Variants in LRP2 observed in about 807,000 individuals in gnomAD.
LRP2 encodes the protein LDL receptor related protein 2, also known as low-density lipoprotein receptor-related protein 2.
A neutral mutation model predicts 531.0 loss-of-function variants in LRP2; 172 were observed. That is an observed-to-expected ratio of 0.32 (90% confidence interval 0.29 to 0.37). The LOEUF is 0.37. LRP2 is among the 10% of genes least tolerant of loss of function. The pLI, the probability that LRP2 is intolerant of heterozygous loss-of-function variation, is 1.00. For missense variants in LRP2, 5,167 were observed against 5,868.3 expected, an observed-to-expected ratio of 0.88 and a Z score of 3.90; for synonymous variants, 1,992 against 2,027.6, an observed-to-expected ratio of 0.98 and a Z score of 0.47.
intron 3 of LRP2, among the ~76,000 whole-genome samples, chr2:169,315,733 CAG>C (rs4000805): frequency 0.059 from 9,048 of 152,220 alleles, 374 homozygotes; most frequent in Non-Finnish European, 0.088. Context: ...GCATCAGTGT[CAG>C]AGAGAATCTA....
At chr2:169,203,935 T>G in intron 42 of LRP2, 47 bp downstream of exon 42, 1 of 1,595,234 alleles carries the variant, frequency 6.3e-7, no homozygotes, top group Non-Finnish European at 8.6e-7. Flanking sequence ...CAATTGGTAT[T>G]GTGATCATTA....
At chr2:169,328,275 C>T (rs1235265486) in intron 1 of LRP2, among the ~76,000 whole-genome samples, 2 of 117,416 alleles carry the variant, frequency 1.7e-5, no homozygotes, top group Admixed American at 8.2e-5. Flanking sequence ...CCGCCCCGTC[C>T]GGGAGGGAGG....
intron 1 of LRP2, among the ~76,000 whole-genome samples, chr2:169,333,848 C>T (rs1685332338): frequency 6.6e-6 from 1 of 152,128 alleles, no homozygotes; most frequent in Non-Finnish European, 1.5e-5. Context: ...TTTGTTATGC[C>T]TGGGCTCAAA....
intron 77 of LRP2, among the ~76,000 whole-genome samples, chr2:169,130,288 CTT>C (rs796975261): frequency 1.6e-4 from 22 of 138,850 alleles, no homozygotes; most frequent in Admixed American, 2.2e-4. Flanking sequence ...AGAACTGAAT[CTT>C]TTTTTTTTTT....
At chr2:169,274,622 C>A (rs1194803863) in intron 14 of LRP2, among the ~76,000 whole-genome samples, 1 of 152,116 alleles carries the variant, frequency 6.6e-6, no homozygotes, top group African/African-American at 2.4e-5. Flanking sequence ...TCTGATGCTA[C>A]CGAAAATGGA....
intron 66 of LRP2, 102 bp from the exon 67 acceptor site, chr2:169,153,066 T>G: frequency 3.1e-5 from 30 of 971,558 alleles, no homozygotes; most frequent in Non-Finnish European, 4.5e-5. Context: ...TTGACATCTC[T>G]ACCTCCCTCC....
intron 52 of LRP2, among the ~76,000 whole-genome samples, chr2:169,180,269 G>T (rs1687379663): frequency 1.3e-5 from 2 of 152,166 alleles, no homozygotes; most frequent in Admixed American, 1.3e-4. Context: ...TCTTTGATGT[G>T]CCTTTTAAGA....
At chr2:169,248,967 C>G (rs1690130580) in intron 19 of LRP2, among the ~76,000 whole-genome samples, 1 of 27,310 alleles carries the variant, frequency 3.7e-5, no homozygotes, top group African/African-American at 1.7e-4. Flanking sequence ...TATCCCACAC[C>G]TGGCTCGGAG....
chr2:169,240,501 A>C (rs765916948), intron 25 of LRP2, among the ~76,000 whole-genome samples: 21 of 152,328 alleles, frequency 1.4e-4, no homozygotes, highest in African/African-American at 5.1e-4. Context: ...CTTCACAATC[A>C]TACCTGGCTG....
At chr2:169,167,505 C>T (rs564357675) in intron 61 of LRP2, among the ~76,000 whole-genome samples, 1 of 152,170 alleles carries the variant, frequency 6.6e-6, no homozygotes, top group East Asian at 1.9e-4. Context: ...ATTTGAGGGG[C>T]CTGTTAATGT....
chr2:169,204,539 T>C (rs916698057), intron 41 of LRP2, among the ~76,000 whole-genome samples: 1 of 152,170 alleles, frequency 6.6e-6, no homozygotes, highest in African/African-American at 2.4e-5. Context: ...CAGGAAAACA[T>C]GAAATAATCC....
chr2:169,246,476 A>T (rs1173734212), intron 21 of LRP2, among the ~76,000 whole-genome samples: 3 of 152,200 alleles, frequency 2.0e-5, no homozygotes, highest in Non-Finnish European at 4.4e-5. Context: ...GCCAATGTCA[A>T]GGAAAAAAAT....
intron 52 of LRP2, 27 bp downstream of exon 52, chr2:169,181,421 T>A (rs1319809063): frequency 6.2e-7 from 1 of 1,602,850 alleles, no homozygotes; most frequent in Non-Finnish European, 8.5e-7. Flanking sequence ...AGTTACACAA[T>A]TGTTTTATGC....
intron 27 of LRP2, among the ~76,000 whole-genome samples, chr2:169,237,683 A>G (rs1333654384): frequency 1.3e-5 from 2 of 152,236 alleles, no homozygotes; most frequent in Non-Finnish European, 2.9e-5. Flanking sequence ...TGTAAGAGGC[A>G]GAGGAAATGT....
At chr2:169,173,067 T>TC in intron 57 of LRP2, 29 bp downstream of exon 57, 4 of 1,613,960 alleles carry the variant, frequency 2.5e-6, no homozygotes, top group Non-Finnish European at 3.4e-6. Flanking sequence ...TTCTTGTCCC[T>TC]CCCTCCACTC....
rs542047294 is a variant in LRP2 at position 169,199,227 on chromosome 2, G to A, written c.8453-316C>T. Among the ~76,000 whole-genome samples the A allele has an allele frequency of 1.1e-4, 16 of 152,262 alleles. No homozygotes were observed. In the South Asian group the frequency reaches 3.3e-3, roughly 32 times the overall value. ...ATAAACTATGGCATTTCCACACAATGGAGTAATATGTAGCTATTAAAGGAA... is the reference window on the plus strand; with the variant it reads ...ATAAACTATGGCATTTCCACACAATAGAGTAATATGTAGCTATTAAAGGAA... On this transcript the variant is annotated intron_variant, in intron 44 of 78. Coordinates refer to ENST00000649046, the MANE Select transcript of LRP2 (RefSeq NM_004525.3).
rs1324814308 is a variant in LRP2, at chr2:169,289,155, GA to G, written c.923-11del. 6.2e-7 allele frequency: 1 copy of G among 1,613,794 alleles called. No homozygotes were observed. The highest frequency in any genetic ancestry group is 8.5e-7 in the Non-Finnish European group (1 of 1,179,876). On this transcript the variant is annotated splice_polypyrimidine_tract_variant and intron_variant, in intron 8 of 78. Coordinates refer to ENST00000649046, the MANE Select transcript of LRP2 (RefSeq NM_004525.3). ...GAGCACAGAGTCATACCTAAACGAA[GA>G]AAAGAACTTTGTTAAATGAATGGTG...
At chr2:169,275,373 T>C (rs1027318061) in intron 13 of LRP2, 135 bp from the exon 14 acceptor site, 18 of 724,236 alleles carry the variant, frequency 2.5e-5, no homozygotes, top group Non-Finnish European at 4.1e-5. Flanking sequence ...ATAGAAAAGA[T>C]ACATTTTAGA....
intron 27 of LRP2, among the ~76,000 whole-genome samples, chr2:169,237,744 T>C (rs1232941420): frequency 6.6e-6 from 1 of 152,102 alleles, no homozygotes; most frequent in Non-Finnish European, 1.5e-5. Context: ...TTGAGAAATA[T>C]CACTAAATTA....
Sources: allele counts gnomAD v4.1 joint callset (sites outside exome capture counted in the v4.1 genomes callset), GRCh38; gene constraint gnomAD v4.1.1; transcripts MANE v1.5; gene names NCBI Gene and HGNC (gene_info 2026-07-23, HGNC 2026-07-21).